Variants in SAMD12 observed in about 807,000 individuals in gnomAD.
SAMD12 encodes sterile alpha motif domain-containing protein 12.
Under a neutral mutation model 15.0 loss-of-function variants are expected in SAMD12, and 9 were observed. The observed-to-expected ratio is 0.60, with a 90% CI of 0.36 to 1.05. SAMD12 has a LOEUF of 1.05. Among genes scored for constraint, SAMD12 ranks in the 50% least tolerant of loss-of-function variants. The probability of loss-of-function intolerance (pLI) is 0.01; values close to 1 mark genes in which losing one functional copy is unlikely to be tolerated. For missense variants in SAMD12, 230 were observed against 234.2 expected, an observed-to-expected ratio of 0.98 and a Z score of 0.12; for synonymous variants, 86 against 90.1, an observed-to-expected ratio of 0.96 and a Z score of 0.25.
At chr8:118,293,111 T>C (rs1377988192) in intron 4 of SAMD12, among the ~76,000 whole-genome samples, 1 of 152,208 alleles carries the variant, frequency 6.6e-6, no homozygotes, top group Non-Finnish European at 1.5e-5. Context: ...GGGCATTTTT[T>C]TTTTCTTATG....
At chr8:118,600,686 A>C (rs73319373) in intron 1 of SAMD12, among the ~76,000 whole-genome samples, 8,355 of 152,252 alleles carry the variant, frequency 0.055, 450 homozygotes, top group African/African-American at 0.14. Context: ...ATATTACTAG[A>C]CATCAATAAT....
chr8:118,472,652 G>T (rs1008708995), intron 2 of SAMD12, among the ~76,000 whole-genome samples: 3 of 152,120 alleles, frequency 2.0e-5, no homozygotes, highest in Admixed American at 1.3e-4. Flanking sequence ...TCCAGCCTGG[G>T]CAACAGAATG....
intron 4 of SAMD12, among the ~76,000 whole-genome samples, chr8:118,253,183 C>G (rs1812858235): frequency 6.6e-6 from 1 of 152,140 alleles, no homozygotes; most frequent in Admixed American, 6.5e-5. Context: ...ATCTTCGTTT[C>G]TAGCAAAACT....
At chr8:118,212,857 A>T (rs1811867492) in intron 4 of SAMD12, among the ~76,000 whole-genome samples, 1 of 152,204 alleles carries the variant, frequency 6.6e-6, no homozygotes, top group African/African-American at 2.4e-5. Context: ...CCTAGATTGT[A>T]AAAGGTACAA....
intron 4 of SAMD12, chr8:118,197,837 C>T: frequency 2.1e-6 from 2 of 964,066 alleles, no homozygotes; most frequent in Non-Finnish European, 1.7e-6. Flanking sequence ...CACCCTTAGG[C>T]CAAAGAGAAA....
intron 2 of SAMD12, among the ~76,000 whole-genome samples, chr8:118,574,873 T>G (rs2131244475): frequency 6.6e-6 from 1 of 152,326 alleles, no homozygotes; most frequent in East Asian, 1.9e-4. Flanking sequence ...ACATTTTTGC[T>G]CCTTGAGCCA....
chr8:118,162,108 C>T, the SAMD12 span, among the ~76,000 whole-genome samples: 9 of 149,628 alleles, frequency 6.0e-5, no homozygotes, highest in African/African-American at 1.7e-4. Flanking sequence ...TTCAGTGAGC[C>T]GAGATCACGC....
At chr8:118,174,540 A>G in the SAMD12 span, among the ~76,000 whole-genome samples, 1 of 152,108 alleles carries the variant, frequency 6.6e-6, no homozygotes, top group Admixed American at 6.6e-5. Flanking sequence ...AAAGTGGTTC[A>G]TTTTACTATA....
the SAMD12 span, among the ~76,000 whole-genome samples, chr8:118,157,484 C>T: frequency 5.5e-4 from 84 of 152,226 alleles, no homozygotes; most frequent in Non-Finnish European, 7.8e-4. Context: ...GCAAAAATGG[C>T]AAAAGGTTAG....
At chr8:118,317,426 C>T (rs1349443950) in intron 4 of SAMD12, among the ~76,000 whole-genome samples, 4 of 152,130 alleles carry the variant, frequency 2.6e-5, no homozygotes, top group Non-Finnish European at 4.4e-5. Context: ...CTGTGGGATG[C>T]TCACATGTTG....
intron 2 of SAMD12, among the ~76,000 whole-genome samples, chr8:118,530,231 G>C (rs1008227381): frequency 1.3e-5 from 2 of 152,062 alleles, no homozygotes; most frequent in African/African-American, 2.4e-5. Context: ...CAACTTCTAT[G>C]TTAGGTTCCA....
intron 4 of SAMD12, among the ~76,000 whole-genome samples, chr8:118,345,647 C>G (rs1272259494): frequency 2.0e-5 from 3 of 152,222 alleles, no homozygotes; most frequent in Non-Finnish European, 4.4e-5. Flanking sequence ...AGAGAATTAT[C>G]TGTCCAACTA....
exon 5 of SAMD12, chr8:118,192,829 T>A (rs1490608319): frequency 6.6e-6 from 1 of 152,342 alleles, no homozygotes. Flanking sequence ...TACATTACAT[T>A]AAGTATATGC....
downstream of SAMD12, among the ~76,000 whole-genome samples, chr8:118,375,445 G>A (rs1391645421): frequency 1.3e-5 from 2 of 152,068 alleles, no homozygotes; most frequent in African/African-American, 2.4e-5. Context: ...TATGTTATGT[G>A]AATTATATCT....
chr8:118,545,060 C>T (rs1003698901), intron 2 of SAMD12, among the ~76,000 whole-genome samples: 2 of 152,186 alleles, frequency 1.3e-5, no homozygotes, highest in Admixed American at 1.3e-4. Context: ...GTGCCCAGGC[C>T]TCAGTCAAAT....
At chr8:118,237,293 T>C (rs1293758081) in intron 4 of SAMD12, among the ~76,000 whole-genome samples, 1 of 149,410 alleles carries the variant, frequency 6.7e-6, no homozygotes, top group African/African-American at 2.5e-5. Flanking sequence ...GTACCTACCT[T>C]ACCAAATTGT....
At chr8:118,566,604 C>A (rs1169444792) in intron 2 of SAMD12, among the ~76,000 whole-genome samples, 1 of 152,066 alleles carries the variant, frequency 6.6e-6, no homozygotes, top group Admixed American at 6.6e-5. Context: ...TAAATGATAT[C>A]TTTTATACTA....
chr8:118,150,526 G>A, the SAMD12 span, among the ~76,000 whole-genome samples: 1 of 151,926 alleles, frequency 6.6e-6, no homozygotes, highest in Non-Finnish European at 1.5e-5. Context: ...AAGGCACCCA[G>A]CTATTTTTAT....
At position 118,268,311 on chromosome 8, in the gene SAMD12, ATTT is replaced by A. The variant is rs1813257337; in HGVS notation, c.434-70582_434-70580del. Among the ~76,000 whole-genome samples the A allele has an allele frequency of 5.3e-5, 8 of 152,294 alleles. No individual in the cohort carries two copies. In the South Asian group the frequency reaches 1.7e-3, roughly 32 times the overall value. On this transcript the variant is annotated intron_variant, in intron 4 of 4. Coordinates refer to the SAMD12 transcript ENST00000409003. ...ATACAGTAATTTTCATTAAATCAAT[ATTT>A]AGTGTTTACTCTTCAGCACTGACTA... is the stretch of plus-strand genomic sequence containing the variant.
Sources: allele counts gnomAD v4.1 joint callset (sites outside exome capture counted in the v4.1 genomes callset), GRCh38; gene constraint gnomAD v4.1.1; transcripts MANE v1.5; gene names NCBI Gene and HGNC (gene_info 2026-07-23, HGNC 2026-07-21).